FBXO33: variants seen among roughly 807,000 people sequenced by gnomAD.
FBXO33 encodes the protein F-box protein 33, also known as F-box only protein 33.
A neutral mutation model predicts 46.3 loss-of-function variants in FBXO33; 22 were observed. The ratio of observed to expected loss-of-function variants is 0.48; its 90% confidence interval spans 0.34 to 0.68. The LOEUF (loss-of-function observed/expected upper bound fraction) is 0.68, where lower values mean the gene tolerates loss of function less well. FBXO33 is among the 30% of genes least tolerant of loss of function. The pLI is 0.01. For missense variants in FBXO33, 692 were observed against 708.8 expected, an observed-to-expected ratio of 0.98 and a Z score of 0.27; for synonymous variants, 337 against 291.3, an observed-to-expected ratio of 1.16 and a Z score of -1.60.
At chr14:39,400,339 GAAGGAATAAA>G (rs2075363015) in intron 3 of FBXO33, among the ~76,000 whole-genome samples, 1 of 152,194 alleles carries the variant, frequency 6.6e-6, no homozygotes, top group Non-Finnish European at 1.5e-5. Context: ...CTACTTCTGG[GAAGGAATAAA>G]GAGGAATGAA....
Position 39,431,829 on chromosome 14 carries a change from G to A in FBXO33, c.334C>T (p.Arg112Cys). 1.2e-6 allele frequency: 2 copies of A among 1,607,854 alleles called. No homozygotes were observed. Among genetic ancestry groups the A allele is most frequent in the South Asian group, 1.1e-5 (1 of 90,766 alleles). ...GCGGGCGAGACGCGGAGGCAGATGC[G>A]GAGCTGGGGCCACAGGGCCGGATAG... ...LFYPALWPQL[R>C]ICLRVSPAEQ... is the part of the protein sequence containing the mutation. The change falls in exon 1 of 4, where the codon CGC becomes TGC. Residue 112 changes from arginine to cysteine, a missense_variant. Coordinates refer to ENST00000298097, the MANE Select transcript of FBXO33 (RefSeq NM_203301.4).
In FBXO33 at chr14:39,401,340, A is replaced by G; in HGVS notation, c.1232T>C (p.Val411Ala). ...SYITCVSGAI[V>A]DLISRQYDKF... The stretch of plus-strand genomic sequence containing the variant: ...GTCATATTGCCTGGATATAAGATCA[A>G]CAATAGCCCCTGAAACACAAGTGAT... The change falls in exon 3 of 4, where the codon GTT becomes GCT. Residue 411 changes from valine (V) to alanine (A), a missense_variant. Val to Ala is a moderately conservative substitution (Grantham distance 64). Around this residue, in one of 3 missense-constraint regions of FBXO33, gnomAD observed 186 missense variants for 246.1 expected, o/e 0.76. Coordinates refer to ENST00000298097, the MANE Select transcript of FBXO33 (RefSeq NM_203301.4). The G allele has an allele frequency of 6.2e-7, 1 of 1,614,188 alleles. No individual in the cohort carries two copies. Among genetic ancestry groups the G allele is most frequent in the Non-Finnish European group, 8.5e-7 (1 of 1,180,018 alleles).
At chr14:39,429,038 A>G (rs2075530247) in intron 1 of FBXO33, among the ~76,000 whole-genome samples, 1 of 152,254 alleles carries the variant, frequency 6.6e-6, no homozygotes, top group Admixed American at 6.5e-5. Context: ...AGATACAGGT[A>G]TGGCAACTAT....
intron 1 of FBXO33, among the ~76,000 whole-genome samples, chr14:39,427,943 C>T (rs2075523916): frequency 6.6e-6 from 1 of 152,016 alleles, no homozygotes; most frequent in African/African-American, 2.4e-5. Context: ...GACTCTGTCT[C>T]AAAATATTTT....
chr14:39,421,852 GA>G (rs1363941575), intron 1 of FBXO33, among the ~76,000 whole-genome samples: 1 of 151,376 alleles, frequency 6.6e-6, no homozygotes, highest in Non-Finnish European at 1.5e-5. Flanking sequence ...CCAAAAAGGG[GA>G]AAAATATTTT....
chr14:39,413,606 T>C (rs1418251621), intron 1 of FBXO33, among the ~76,000 whole-genome samples: 1 of 152,198 alleles, frequency 6.6e-6, no homozygotes, highest in East Asian at 1.9e-4. Context: ...ATGGCAGCTA[T>C]AATCTTGTAA....
chr14:39,419,602 G>T (rs1180067648), intron 1 of FBXO33, among the ~76,000 whole-genome samples: 2 of 152,194 alleles, frequency 1.3e-5, no homozygotes, highest in Non-Finnish European at 2.9e-5. Flanking sequence ...TAAGGGAATT[G>T]TGCTACATAA....
chr14:39,399,821 C>T, intron 3 of FBXO33, 34 bp from the exon 4 acceptor site: 1 of 1,481,286 alleles, frequency 6.8e-7, no homozygotes. Flanking sequence ...ACTGTAATTT[C>T]CTTGCATTTC....
chr14:39,424,385 T>G (rs1025378818), intron 1 of FBXO33, among the ~76,000 whole-genome samples: 1 of 152,242 alleles, frequency 6.6e-6, no homozygotes, highest in Admixed American at 6.5e-5. Flanking sequence ...TTCTTTTCCA[T>G]AAGAAAAAGC....
intron 3 of FBXO33, among the ~76,000 whole-genome samples, chr14:39,400,131 G>C (rs1156309832): frequency 6.6e-6 from 1 of 152,166 alleles, no homozygotes; most frequent in African/African-American, 2.4e-5. Context: ...CCATAAGGAT[G>C]AAATTTTTAG....
chr14:39,429,802 A>T (rs1324902980), intron 1 of FBXO33, among the ~76,000 whole-genome samples: 1 of 152,222 alleles, frequency 6.6e-6, no homozygotes, highest in Non-Finnish European at 1.5e-5. Flanking sequence ...CGGTGGCCTT[A>T]TAGAGAAGCA....
At chr14:39,426,331 T>TC (rs752260161) in intron 1 of FBXO33, among the ~76,000 whole-genome samples, 5 of 152,148 alleles carry the variant, frequency 3.3e-5, no homozygotes, top group Non-Finnish European at 7.3e-5. Context: ...CCACTTTTTT[T>TC]CATCTCTCCT....
At position 39,399,538 on chromosome 14, in the gene FBXO33, T is replaced by C; in HGVS notation, c.1646A>G (p.Gln549Arg). Residue 549 changes from glutamine (Q) to arginine (R), a missense_variant, in exon 4 of 4, where the codon CAA (glutamine) becomes CGA (arginine). By Grantham distance (43) the Gln-to-Arg change is conservative. Coordinates refer to ENST00000298097, the MANE Select transcript of FBXO33 (RefSeq NM_203301.4). ...AAGCTAAATGTCTTCACTGAAGCTTTGCATCTCTCTGTAAAAATGACGATT... is the reference window on the plus strand; with the variant it reads ...AAGCTAAATGTCTTCACTGAAGCTTCGCATCTCTCTGTAAAAATGACGATT... ...EPNRHFYREMQSFSEDI is the reference protein window; with the variant it reads ...EPNRHFYREMRSFSEDI 6.2e-7 allele frequency: 1 copy of C among 1,612,124 alleles called. No homozygotes were observed. The highest frequency in any genetic ancestry group is 8.5e-7 in the Non-Finnish European group (1 of 1,178,740).
At chr14:39,410,351 A>G (rs1051736058) in intron 1 of FBXO33, among the ~76,000 whole-genome samples, 2 of 152,240 alleles carry the variant, frequency 1.3e-5, no homozygotes, top group African/African-American at 4.8e-5. Context: ...TGATGTGCAT[A>G]TGGTGAACCA....
chr14:39,425,566 T>C (rs1052663822), intron 1 of FBXO33, among the ~76,000 whole-genome samples: 5 of 152,254 alleles, frequency 3.3e-5, no homozygotes, highest in Admixed American at 3.3e-4. Context: ...TGAAATTCTC[T>C]TGGGCTGGTT....
chr14:39,430,095 G>C (rs1397191159), intron 1 of FBXO33, among the ~76,000 whole-genome samples: 1 of 152,240 alleles, frequency 6.6e-6, no homozygotes, highest in Middle Eastern at 3.4e-3. Flanking sequence ...CTCAACCTTG[G>C]TCTCATTAGT....
chr14:39,413,008 C>T (rs2075430924), intron 1 of FBXO33, among the ~76,000 whole-genome samples: 1 of 152,234 alleles, frequency 6.6e-6, no homozygotes, highest in African/African-American at 2.4e-5. Flanking sequence ...GCTGGAGTGA[C>T]TGGCAATTTC....
intron 1 of FBXO33, among the ~76,000 whole-genome samples, chr14:39,403,871 G>A (rs1014572537): frequency 4.7e-5 from 7 of 150,432 alleles, no homozygotes; most frequent in Non-Finnish European, 8.9e-5. Flanking sequence ...GTATGATCAC[G>A]GCTCACTGCA....
At chr14:39,404,220 A>C (rs1030931731) in intron 1 of FBXO33, among the ~76,000 whole-genome samples, 3 of 152,214 alleles carry the variant, frequency 2.0e-5, no homozygotes, top group Non-Finnish European at 4.4e-5. Flanking sequence ...TACTAGAGAC[A>C]CAATAGTGAT....
Sources: gnomAD v4.1 joint callset for allele counts (sites outside exome capture counted in the v4.1 genomes callset) on GRCh38, gnomAD v4.1.1 for gene constraint, gnomAD v4.1.1 regional missense constraint, MANE v1.5 for transcripts, NCBI Gene and HGNC (gene_info 2026-07-23, HGNC 2026-07-21) for gene names.